The following AK5 variants were observed in gnomAD, a reference collection of about 807,000 sequenced individuals.
AK5 encodes the protein adenylate kinase 5, also known as adenylate kinase isoenzyme 5.
AK5 carries 27 observed loss-of-function variants against 69.5 expected under a neutral mutation model. The observed-to-expected ratio is 0.39, with a 90% CI of 0.29 to 0.54. The LOEUF (loss-of-function observed/expected upper bound fraction) is 0.54, where lower values mean the gene tolerates loss of function less well. Ranked by LOEUF, AK5 falls within the 20% of genes least tolerant of loss-of-function variation. The probability of loss-of-function intolerance (pLI) is 0.71; values close to 1 mark genes in which losing one functional copy is unlikely to be tolerated. For synonymous variants in AK5, 260 were observed against 244.4 expected, an observed-to-expected ratio of 1.06 and a Z score of -0.60; for missense variants, 531 against 700.4, an observed-to-expected ratio of 0.76 and a Z score of 2.73.
rs373231088 is a variant in AK5 at position 77,535,828 on chromosome 1, G to C, written c.1429-19G>C. On this transcript the variant is annotated intron_variant, in intron 12 of 13. Coordinates refer to ENST00000354567, the MANE Select transcript of AK5 (RefSeq NM_174858.3). ...AGGGTGAGGTTTCTGACTGTGTTGTGCTCCACTCCCATCTCCAGATTGGAG... is the reference window on the plus strand; with the variant it reads ...AGGGTGAGGTTTCTGACTGTGTTGTCCTCCACTCCCATCTCCAGATTGGAG... 6.2e-6 allele frequency: 10 copies of C among 1,605,850 alleles called. No individual in the cohort carries two copies. In the African/African-American group the frequency reaches 1.2e-4, roughly 19 times the overall value.
At chr1:77,310,957 A>ACT (rs1659917575) in intron 5 of AK5, among the ~76,000 whole-genome samples, 1 of 152,080 alleles carries the variant, frequency 6.6e-6, no homozygotes, top group Non-Finnish European at 1.5e-5. Flanking sequence ...TCCTAAATAT[A>ACT]ATCGTTTATA....
At chr1:77,444,765 G>T (rs1033232599) in intron 8 of AK5, among the ~76,000 whole-genome samples, 1 of 148,176 alleles carries the variant, frequency 6.7e-6, no homozygotes, top group Non-Finnish European at 1.5e-5. Context: ...AGATTGGGGG[G>T]AGGGTCTCAC....
intron 5 of AK5, among the ~76,000 whole-genome samples, chr1:77,333,851 T>C (rs925403098): frequency 6.6e-6 from 1 of 152,230 alleles, no homozygotes; most frequent in African/African-American, 2.4e-5. Flanking sequence ...TAATGTCTCA[T>C]AGAAATCAGT....
At chr1:77,535,652 T>C (rs931167669) in intron 12 of AK5, among the ~76,000 whole-genome samples, 195 bp from the exon 13 acceptor site, 5 of 152,124 alleles carry the variant, frequency 3.3e-5, no homozygotes, top group Admixed American at 1.3e-4. Flanking sequence ...GAGACAGCTC[T>C]GAGGCAGTGT....
intron 10 of AK5, among the ~76,000 whole-genome samples, chr1:77,498,547 C>T (rs972038693): frequency 2.6e-5 from 4 of 152,348 alleles, no homozygotes; most frequent in Admixed American, 6.5e-5. Context: ...CATCATCCTT[C>T]CACTCACTGT....
chr1:77,292,850 G>A (rs145211309), intron 2 of AK5, among the ~76,000 whole-genome samples: 153 of 152,154 alleles, frequency 1.0e-3, no homozygotes, highest in African/African-American at 3.7e-3. Flanking sequence ...AAATTACCGT[G>A]GTGCTTATCA....
chr1:77,350,415 G>GC (rs1287653163), intron 6 of AK5, among the ~76,000 whole-genome samples: 5 of 152,230 alleles, frequency 3.3e-5, no homozygotes, highest in Non-Finnish European at 1.5e-5. Context: ...ATCAAACTGA[G>GC]CAAGGCACTG....
At chr1:77,360,332 T>C (rs1199112111) in intron 6 of AK5, among the ~76,000 whole-genome samples, 2 of 152,058 alleles carry the variant, frequency 1.3e-5, no homozygotes, top group African/African-American at 2.4e-5. Context: ...GGGAGAGAAA[T>C]GTCAACTGTC....
At chr1:77,446,355 G>C (rs1285083813) in intron 8 of AK5, among the ~76,000 whole-genome samples, 1 of 152,168 alleles carries the variant, frequency 6.6e-6, no homozygotes, top group Non-Finnish European at 1.5e-5. Flanking sequence ...TTCAAATCAG[G>C]AAGTGTGATG....
chr1:77,455,844 G>A (rs1379978044), intron 8 of AK5, among the ~76,000 whole-genome samples: 1 of 152,140 alleles, frequency 6.6e-6, no homozygotes, highest in African/African-American at 2.4e-5. Flanking sequence ...CCAGGTGATT[G>A]TAATGTGTGT....
chr1:77,310,657 A>G (rs12088702), intron 5 of AK5, among the ~76,000 whole-genome samples: 15,375 of 152,164 alleles, frequency 0.1, 1,012 homozygotes, highest in South Asian at 0.2. Context: ...CTGGGATTAC[A>G]GGCATGAGCC....
At chr1:77,425,305 G>T (rs1651125182) in intron 8 of AK5, among the ~76,000 whole-genome samples, 1 of 152,160 alleles carries the variant, frequency 6.6e-6, no homozygotes, top group Non-Finnish European at 1.5e-5. Context: ...ATGACATAGA[G>T]CCAGGCATGG....
intron 3 of AK5, among the ~76,000 whole-genome samples, chr1:77,295,314 T>G (rs1268351528): frequency 6.6e-6 from 1 of 152,200 alleles, no homozygotes; most frequent in Non-Finnish European, 1.5e-5. Flanking sequence ...CACACCAAGC[T>G]ATAACAAGAA....
intron 11 of AK5, 38 bp from the exon 12 acceptor site, chr1:77,521,789 A>G: frequency 6.6e-7 from 1 of 1,508,132 alleles, no homozygotes; most frequent in Non-Finnish European, 9.2e-7. Flanking sequence ...GTGTTCTGTG[A>G]AAGAGCTCAG....
chr1:77,404,377 G>A (rs1044891938), intron 6 of AK5, among the ~76,000 whole-genome samples: 1 of 151,884 alleles, frequency 6.6e-6, no homozygotes, highest in Non-Finnish European at 1.5e-5. Flanking sequence ...CGTTTCCTTG[G>A]GGGAGTGGGG....
intron 5 of AK5, among the ~76,000 whole-genome samples, chr1:77,328,554 G>C (rs1055292524): frequency 5.3e-5 from 8 of 151,318 alleles, no homozygotes; most frequent in African/African-American, 1.9e-4. Context: ...CCTATATCTT[G>C]AGAGCCTAAT....
intron 13 of AK5, among the ~76,000 whole-genome samples, chr1:77,550,785 A>ATTCCT (rs1443922878): frequency 6.6e-6 from 1 of 152,272 alleles, no homozygotes; most frequent in Non-Finnish European, 1.5e-5. Context: ...AGACTTAGGA[A>ATTCCT]GAGTCGAGCT....
In AK5 at chr1:77,325,510, A is replaced by G. The variant is rs533477476; in HGVS notation, c.700-14867A>G. On this transcript the variant is annotated intron_variant, in intron 5 of 13. Coordinates refer to ENST00000354567, the MANE Select transcript of AK5 (RefSeq NM_174858.3). Reference sequence around the variant, plus strand: ...TTTACGGGAAAAGCAGAGTCCTAAAAAGTTGCTGGGGAAAGACAACATGCC... The same window carrying G: ...TTTACGGGAAAAGCAGAGTCCTAAAGAGTTGCTGGGGAAAGACAACATGCC... 3.9e-5 allele frequency among the ~76,000 whole-genome samples: 6 copies of G among 152,170 alleles called. No individual in the cohort carries two copies. In the South Asian group the frequency reaches 6.2e-4, roughly 16 times the overall value.
chr1:77,476,760 G>A lies in AK5; in HGVS notation c.1060-6557G>A, dbSNP rs192901492. ...TTCAGTTTCCTCATCTGAAAAATGGGAAACATCAAACTTGCCTACTTCCTA... is the reference window on the plus strand; with the variant it reads ...TTCAGTTTCCTCATCTGAAAAATGGAAAACATCAAACTTGCCTACTTCCTA... On this transcript the variant is annotated intron_variant, in intron 8 of 13. Coordinates refer to ENST00000354567, the MANE Select transcript of AK5 (RefSeq NM_174858.3). Among the ~76,000 whole-genome samples the A allele has an allele frequency of 3.7e-3, 560 of 152,230 alleles. 1 individual carries two copies. Among genetic ancestry groups the A allele is most frequent in the African/African-American group, 0.013 (547 of 41,532 alleles).
Sources: gnomAD v4.1 joint callset for allele counts (sites outside exome capture counted in the v4.1 genomes callset) on GRCh38, gnomAD v4.1.1 for gene constraint, MANE v1.5 for transcripts, NCBI Gene and HGNC (gene_info 2026-07-23, HGNC 2026-07-21) for gene names.